The following NFAM1 variants were observed in gnomAD, a reference collection of about 807,000 sequenced individuals.
NFAM1 encodes the protein NFAT activation molecule 1.
NFAM1 carries 17 observed loss-of-function variants against 29.0 expected under a neutral mutation model. The ratio of observed to expected loss-of-function variants is 0.59; its 90% CI spans 0.40 to 0.88. The LOEUF is 0.88. Among genes scored for constraint, NFAM1 ranks in the 40% least tolerant of loss-of-function variants. The pLI is 0.00. For missense variants in NFAM1, 324 were observed against 344.6 expected (o/e 0.94, Z 0.47); for synonymous variants, 175 against 147.2 (o/e 1.19, Z -1.36).
At position 42,432,387 on chromosome 22, in the gene NFAM1, T is replaced by G. The variant is rs1440411627; in HGVS notation, c.-30A>C. Reference sequence around the variant, plus strand: ...GGGCCTGCTTGTCTGCGGCGACTCTTTAGTTCACAGGAGGGGACGGCCGGC... The same window carrying G: ...GGGCCTGCTTGTCTGCGGCGACTCTGTAGTTCACAGGAGGGGACGGCCGGC... On this transcript the variant is annotated 5_prime_UTR_variant, in exon 1 of 6. Coordinates refer to ENST00000329021, the MANE Select transcript of NFAM1 (RefSeq NM_145912.8). The G allele has an allele frequency of 6.5e-7, 1 of 1,537,524 alleles. No individual in the cohort carries two copies. The highest frequency in any genetic ancestry group is 8.7e-7 in the Non-Finnish European group (1 of 1,145,016).
At chr22:42,434,230 C>G (rs916357032), upstream of NFAM1, among the ~76,000 whole-genome samples, 3 of 152,200 alleles carry the variant, frequency 2.0e-5, no homozygotes, top group African/African-American at 4.8e-5. Flanking sequence ...CCTTCTTGAG[C>G]CTGGCCCAGG....
At chr22:42,420,973 T>C (rs11912260) in intron 1 of NFAM1, among the ~76,000 whole-genome samples, 3,681 of 152,134 alleles carry the variant, frequency 0.024, 98 homozygotes, top group East Asian at 0.071. Flanking sequence ...GGGACTGTTA[T>C]TGTCACCTCA....
chr22:42,426,789 C>A (rs780305164), intron 1 of NFAM1, among the ~76,000 whole-genome samples: 4 of 152,132 alleles, frequency 2.6e-5, no homozygotes, highest in Non-Finnish European at 5.9e-5. Flanking sequence ...AGGACCCCCA[C>A]GATCCACGAC....
At chr22:42,423,540 C>T (rs910767192) in intron 1 of NFAM1, among the ~76,000 whole-genome samples, 6 of 136,944 alleles carry the variant, frequency 4.4e-5, no homozygotes, top group East Asian at 1.9e-4. Context: ...CATAGCAAGA[C>T]CCCATTTCTG....
chr22:42,414,083 AAG>A (rs1930181347), intron 1 of NFAM1, among the ~76,000 whole-genome samples: 2 of 152,126 alleles, frequency 1.3e-5, no homozygotes, highest in African/African-American at 2.4e-5. Context: ...AAGAAAGAAA[AAG>A]AGAGACACAC....
intron 3 of NFAM1, among the ~76,000 whole-genome samples, chr22:42,401,564 G>A (rs1929727966): frequency 6.6e-6 from 1 of 152,056 alleles, no homozygotes; most frequent in South Asian, 2.1e-4. Context: ...GAGGAGGGAG[G>A]GAGCCTTCTT....
intron 1 of NFAM1, among the ~76,000 whole-genome samples, chr22:42,418,739 T>C (rs1309153654): frequency 2.6e-5 from 4 of 151,766 alleles, no homozygotes; most frequent in African/African-American, 9.7e-5. Flanking sequence ...TTCTGCCGGG[T>C]TAAATGACAT....
chr22:42,424,216 C>A (rs530827156), intron 1 of NFAM1, among the ~76,000 whole-genome samples: 2 of 152,254 alleles, frequency 1.3e-5, no homozygotes, highest in African/African-American at 4.8e-5. Flanking sequence ...GAGATTGAGA[C>A]CATCCTGGCT....
chr22:42,390,610 A>G (rs1929302090), intron 4 of NFAM1, among the ~76,000 whole-genome samples: 1 of 152,158 alleles, frequency 6.6e-6, no homozygotes, highest in South Asian at 2.1e-4. Flanking sequence ...TGAGGTCAGG[A>G]GTTCAAGACC....
In NFAM1 at chr22:42,389,081, T is replaced by C. The variant is rs1478251880; in HGVS notation, c.664-2003A>G. ...CACAGATCTGACAGTCTCTCTGAGCTGGATGATTCTGGTCACAGAGAAAAG... is the reference window on the plus strand; with the variant it reads ...CACAGATCTGACAGTCTCTCTGAGCCGGATGATTCTGGTCACAGAGAAAAG... On this transcript the variant is annotated intron_variant, in intron 4 of 5. Transcript: ENST00000329021. Among the ~76,000 whole-genome samples, 4 of 152,172 alleles carry C rather than the reference T, an allele frequency of 2.6e-5. No individual in the cohort carries two copies. In the East Asian group the frequency reaches 5.8e-4, roughly 22 times the overall value.
upstream of NFAM1, chr22:42,432,448 C>T: frequency 6.9e-7 from 1 of 1,448,326 alleles, no homozygotes; most frequent in Non-Finnish European, 9.1e-7. Flanking sequence ...CCACGAAGCT[C>T]CTCCCTGGCA....
At chr22:42,400,200 A>G (rs905911966) in intron 3 of NFAM1, among the ~76,000 whole-genome samples, 4 of 152,336 alleles carry the variant, frequency 2.6e-5, no homozygotes, top group South Asian at 4.1e-4. Context: ...TGTGAGCCTC[A>G]CAGACACAGA....
At chr22:42,408,248 G>GA (rs1929965976) in intron 3 of NFAM1, among the ~76,000 whole-genome samples, 1 of 152,290 alleles carries the variant, frequency 6.6e-6, no homozygotes, top group African/African-American at 2.4e-5. Context: ...CTGGTGCCTA[G>GA]AACAGGGCCT....
intron 3 of NFAM1, among the ~76,000 whole-genome samples, chr22:42,402,229 A>T (rs1327202348): frequency 5.3e-5 from 8 of 152,160 alleles, no homozygotes; most frequent in African/African-American, 1.9e-4. Context: ...GAGAGAGAAG[A>T]GCCGAGCACA....
Position 42,419,115 on chromosome 22 carries a change from C to T in NFAM1, c.122-7379G>A, listed in dbSNP as rs1249065424. Among the ~76,000 whole-genome samples the T allele has an allele frequency of 1.3e-5, 2 of 152,150 alleles. No homozygotes were observed. Among genetic ancestry groups the T allele is most frequent in the African/African-American group, 4.8e-5 (2 of 41,428 alleles). ...GACCACATGCCGAGTGAGTCCCTGG[C>T]GGGGTGTGCCCCCACGTGTTTGTGT... On this transcript the variant is annotated intron_variant, in intron 1 of 5. Coordinates refer to ENST00000329021, the MANE Select transcript of NFAM1 (RefSeq NM_145912.8). The surrounding 1 kb of genome is among the most constrained non-coding windows in gnomAD (Gnocchi z 4.5).
Position 42,385,124 on chromosome 22 carries a change from T to C in NFAM1, c.*37A>G. Reference sequence around the variant, plus strand: ...GGTGGCAGGGGCTGCCCCGGTCCTCTGACCCAGGGCAAGCTCTATGAGCGG... The same window carrying C: ...GGTGGCAGGGGCTGCCCCGGTCCTCCGACCCAGGGCAAGCTCTATGAGCGG... On this transcript the variant is annotated 3_prime_UTR_variant, in exon 6 of 6. Transcript: ENST00000329021. 6.4e-7 allele frequency: 1 copy of C among 1,563,374 alleles called. No homozygotes were observed. The highest frequency in any genetic ancestry group is 8.8e-7 in the Non-Finnish European group (1 of 1,134,226).
chr22:42,408,847 C>A (rs1457047999), intron 3 of NFAM1, among the ~76,000 whole-genome samples: 1 of 152,254 alleles, frequency 6.6e-6, no homozygotes, highest in Non-Finnish European at 1.5e-5. Flanking sequence ...ATCCTGCACT[C>A]TAGCCCTGAC....
In NFAM1 at chr22:42,382,847, T is replaced by C; in HGVS notation, c.*2314A>G. On this transcript the variant is annotated 3_prime_UTR_variant, in exon 6 of 6. Coordinates refer to ENST00000329021, the MANE Select transcript of NFAM1 (RefSeq NM_145912.8). Reference sequence around the variant, plus strand: ...CCTCTCTCCTTGCTCACTGAAGACCTCAGCACCCACTGCCTCCCAGCCTTG... The same window carrying C: ...CCTCTCTCCTTGCTCACTGAAGACCCCAGCACCCACTGCCTCCCAGCCTTG... 1 of 154,400 alleles carries C rather than the reference T, an allele frequency of 6.5e-6. No homozygotes were observed. The highest frequency in any genetic ancestry group is 1.4e-5 in the Non-Finnish European group (1 of 69,336). The allele number at this position is 154,400 out of a possible 1,614,324, so 9.6% of individuals were successfully genotyped here. A position where few individuals can be genotyped will look rare whatever the true frequency, so the allele number is the denominator to read the frequency against.
intron 4 of NFAM1, among the ~76,000 whole-genome samples, chr22:42,395,331 C>G (rs1929484169): frequency 6.6e-6 from 1 of 151,742 alleles, no homozygotes; most frequent in Non-Finnish European, 1.5e-5. Flanking sequence ...AAAAAATTAG[C>G]CAGGTATGGT....
Sources: allele counts gnomAD v4.1 joint callset (sites outside exome capture counted in the v4.1 genomes callset), GRCh38; gene constraint gnomAD v4.1.1; non-coding constraint Gnocchi (gnomAD v3.1); transcripts MANE v1.5; gene names NCBI Gene and HGNC (gene_info 2026-07-23, HGNC 2026-07-21).